DACH1: variants seen among roughly 807,000 people sequenced by gnomAD.
The protein encoded by DACH1 is dachshund homolog 1.
A neutral mutation model predicts 54.2 loss-of-function variants in DACH1; 12 were observed. That is an observed-to-expected ratio of 0.22 (90% CI 0.14 to 0.36). The LOEUF is 0.36. DACH1 is among the 10% of genes least tolerant of loss of function. The pLI is 1.00. For synonymous variants in DACH1, 386 were observed against 366.2 expected, an observed-to-expected ratio of 1.05 and a Z score of -0.62; for missense variants, 805 against 929.8, an observed-to-expected ratio of 0.87 and a Z score of 1.75.
chr13:71,552,280 T>A (rs1167059554), intron 6 of DACH1, among the ~76,000 whole-genome samples: 1 of 152,130 alleles, frequency 6.6e-6, no homozygotes, highest in African/African-American at 2.4e-5. Flanking sequence ...ATTGGACTAC[T>A]TAATCCAAGA....
intron 2 of DACH1, among the ~76,000 whole-genome samples, chr13:71,676,322 A>T (rs1880566151): frequency 1.3e-5 from 2 of 152,104 alleles, no homozygotes; most frequent in South Asian, 4.1e-4. Flanking sequence ...AGTTCAGGCG[A>T]TTCTCCTGCC....
intron 1 of DACH1, among the ~76,000 whole-genome samples, chr13:71,798,891 T>A (rs1887168962): frequency 6.6e-6 from 1 of 152,082 alleles, no homozygotes; most frequent in Non-Finnish European, 1.5e-5. Context: ...GGACTTCAGA[T>A]CCAGTTAATG....
chr13:71,754,260 C>T (rs1205607), intron 1 of DACH1, among the ~76,000 whole-genome samples: 1 of 151,972 alleles, frequency 6.6e-6, no homozygotes, highest in South Asian at 2.1e-4. Flanking sequence ...TCTGGCATCG[C>T]CCATGGCTCT....
At chr13:71,542,235 C>T (rs532166249) in intron 6 of DACH1, among the ~76,000 whole-genome samples, 15 of 151,768 alleles carry the variant, frequency 9.9e-5, no homozygotes, top group African/African-American at 3.1e-4. Context: ...GGGAAACGAG[C>T]GAAACTCCGT....
chr13:71,631,440 T>G (rs375524219), intron 2 of DACH1, among the ~76,000 whole-genome samples: 17 of 152,170 alleles, frequency 1.1e-4, no homozygotes, highest in East Asian at 9.7e-4. Flanking sequence ...GACACCTGTT[T>G]TCCTCACTAG....
At chr13:71,570,796 T>C (rs555016511) in intron 4 of DACH1, among the ~76,000 whole-genome samples, 6 of 152,334 alleles carry the variant, frequency 3.9e-5, no homozygotes, top group African/African-American at 1.2e-4. Context: ...GAGTCCTGAA[T>C]TATTTTCTAT....
At chr13:71,750,486 T>C (rs1446286960) in intron 1 of DACH1, among the ~76,000 whole-genome samples, 1 of 152,178 alleles carries the variant, frequency 6.6e-6, no homozygotes, top group Admixed American at 6.5e-5. Context: ...TTAATAACAA[T>C]CTAATGTATG....
chr13:71,585,932 A>G (rs1593939075), intron 3 of DACH1, among the ~76,000 whole-genome samples: 1 of 152,164 alleles, frequency 6.6e-6, no homozygotes, highest in African/African-American at 2.4e-5. Context: ...GTTCTCTATC[A>G]TTAGAGTTTT....
intron 1 of DACH1, among the ~76,000 whole-genome samples, chr13:71,803,721 A>C (rs1232238721): frequency 6.6e-6 from 1 of 152,180 alleles, no homozygotes; most frequent in Non-Finnish European, 1.5e-5. Context: ...ACATGGAATC[A>C]GGCTTAAATC....
intron 7 of DACH1, among the ~76,000 whole-genome samples, chr13:71,481,520 A>G (rs966909227): frequency 2.6e-5 from 4 of 152,222 alleles, no homozygotes; most frequent in Admixed American, 2.6e-4. Flanking sequence ...TAATGGTAAT[A>G]CATTACCTAT....
intron 3 of DACH1, among the ~76,000 whole-genome samples, chr13:71,595,458 T>C (rs925370278): frequency 6.6e-6 from 1 of 152,216 alleles, no homozygotes; most frequent in East Asian, 1.9e-4. Flanking sequence ...TGGAACTGAG[T>C]TCTGAGACTT....
rs574810092 is a variant in DACH1 at position 71,806,329 on chromosome 13, A to G, written c.848+59593T>C. 2.0e-5 allele frequency among the ~76,000 whole-genome samples: 3 copies of G among 152,322 alleles called. No homozygotes were observed. In the East Asian group the frequency reaches 5.8e-4, roughly 29 times the overall value. On this transcript the variant is annotated intron_variant, in intron 1 of 10. Transcript: ENST00000613252. The stretch of plus-strand genomic sequence containing the variant: ...TTAAGTAGTTTCCATGAGCCATTCG[A>G]CAATCACAGCACAGAATTATACAGT...
intron 10 of DACH1, among the ~76,000 whole-genome samples, chr13:71,445,215 C>T (rs1451806500): frequency 6.6e-6 from 1 of 151,964 alleles, no homozygotes; most frequent in Non-Finnish European, 1.5e-5. Flanking sequence ...ATTAATATGC[C>T]TATGTAACAA....
chr13:71,771,239 T>C (rs1594200795), intron 1 of DACH1, among the ~76,000 whole-genome samples: 1 of 150,732 alleles, frequency 6.6e-6, no homozygotes, highest in South Asian at 2.1e-4. Context: ...GAAAGAAATA[T>C]ACTATTAAGA....
At chr13:71,712,356 T>C (rs1882760275) in intron 1 of DACH1, among the ~76,000 whole-genome samples, 1 of 152,068 alleles carries the variant, frequency 6.6e-6, no homozygotes, top group African/African-American at 2.4e-5. Context: ...TGATTATGTC[T>C]GGGGTATATA....
chr13:71,485,558 A>G (rs1327285000), intron 7 of DACH1, among the ~76,000 whole-genome samples: 3 of 125,634 alleles, frequency 2.4e-5, no homozygotes, highest in African/African-American at 5.9e-5. Context: ...TTCATTCATT[A>G]TAACTTTTCT....
rs551092801 is a variant in DACH1 at position 71,840,080 on chromosome 13, G to A, written c.848+25842C>T. Among the ~76,000 whole-genome samples, 18 of 152,156 alleles carry A rather than the reference G, an allele frequency of 1.2e-4. No homozygotes were observed. In the East Asian group the frequency reaches 3.5e-3, roughly 29 times the overall value. ...TCATGCTTTGGCCTCCCAAGTAGCT[G>A]GAATTACAGGTGCGCACCACCACAC... is the stretch of plus-strand genomic sequence containing the variant. On this transcript the variant is annotated intron_variant, in intron 1 of 10. Coordinates refer to ENST00000613252, the MANE Select transcript of DACH1 (RefSeq NM_080759.6).
intron 10 of DACH1, among the ~76,000 whole-genome samples, chr13:71,445,906 G>T (rs1436049549): frequency 6.6e-6 from 1 of 152,150 alleles, no homozygotes; most frequent in East Asian, 1.9e-4. Context: ...ATGAAAGGCG[G>T]ATGGCAAATG....
intron 2 of DACH1, among the ~76,000 whole-genome samples, chr13:71,656,921 C>CATATATATATATATATATATATAT (rs71123235): frequency 3.6e-5 from 3 of 83,424 alleles, no homozygotes; most frequent in African/African-American, 8.7e-5. Flanking sequence ...GTTCTTCTTT[C>CATATATATATATATATATATATAT]ATATATATAT....
Sources: allele counts gnomAD v4.1 joint callset (sites outside exome capture counted in the v4.1 genomes callset), GRCh38; gene constraint gnomAD v4.1.1; transcripts MANE v1.5; gene names NCBI Gene and HGNC (gene_info 2026-07-23, HGNC 2026-07-21).